Variants in B3GALT1 observed in about 807,000 individuals in gnomAD.
B3GALT1 encodes UDP-Gal:betaGlcNAc beta 1,3-galactosyltransferase, polypeptide 1.
A neutral mutation model predicts 23.2 loss-of-function variants in B3GALT1; 10 were observed. The observed-to-expected ratio is 0.43, with a 90% CI of 0.27 to 0.73. The LOEUF (loss-of-function observed/expected upper bound fraction) is 0.73, where lower values mean the gene tolerates loss of function less well. Ranked by LOEUF, B3GALT1 falls within the 30% of genes least tolerant of loss-of-function variation. The probability of loss-of-function intolerance (pLI) is 0.21; values close to 1 mark genes in which losing one functional copy is unlikely to be tolerated. For missense variants in B3GALT1, 299 were observed against 405.4 expected (o/e 0.74, Z 2.25); for synonymous variants, 156 against 141.5 (o/e 1.10, Z -0.73).
At chr2:167,522,134 C>G (rs35748316) in intron 2 of B3GALT1, among the ~76,000 whole-genome samples, 1 of 151,342 alleles carries the variant, frequency 6.6e-6, no homozygotes, top group Non-Finnish European at 1.5e-5. Context: ...GTAATGTGAC[C>G]TCTGCCATAA....
chr2:167,301,506 T>G (rs926905320), intron 1 of B3GALT1, among the ~76,000 whole-genome samples: 1 of 152,176 alleles, frequency 6.6e-6, no homozygotes, highest in Non-Finnish European at 1.5e-5. Context: ...CATTGGGCAC[T>G]TTGATTACCA....
At chr2:167,802,373 A>G (rs1688655460) in intron 3 of B3GALT1, among the ~76,000 whole-genome samples, 1 of 152,218 alleles carries the variant, frequency 6.6e-6, no homozygotes. Context: ...TGGCCCCCAA[A>G]TAGGCTATTG....
chr2:167,432,510 C>T (rs970843122), intron 1 of B3GALT1, among the ~76,000 whole-genome samples: 1 of 152,148 alleles, frequency 6.6e-6, no homozygotes, highest in Non-Finnish European at 1.5e-5. Context: ...TCCACTCACT[C>T]GTCTTACTTA....
chr2:167,555,099 G>A (rs913569962), intron 2 of B3GALT1, among the ~76,000 whole-genome samples: 1 of 152,122 alleles, frequency 6.6e-6, no homozygotes, highest in South Asian at 2.1e-4. Flanking sequence ...TATGCCATGG[G>A]AATGCATAGG....
At chr2:167,832,321 G>A (rs1689368909) in intron 4 of B3GALT1, among the ~76,000 whole-genome samples, 4 of 152,200 alleles carry the variant, frequency 2.6e-5, no homozygotes, top group South Asian at 2.1e-4. Context: ...TGACACCAAC[G>A]TACTATACAT....
chr2:167,488,914 G>T (rs1023351216), intron 1 of B3GALT1, among the ~76,000 whole-genome samples: 2 of 151,526 alleles, frequency 1.3e-5, no homozygotes, highest in African/African-American at 4.9e-5. Flanking sequence ...TTGAATTCTT[G>T]GGAATCAAGA....
intron 4 of B3GALT1, among the ~76,000 whole-genome samples, chr2:167,828,611 A>T (rs928850240): frequency 2.0e-5 from 3 of 152,212 alleles, no homozygotes; most frequent in African/African-American, 7.2e-5. Flanking sequence ...CATAAAATTG[A>T]TATCTTCACA....
At chr2:167,340,689 A>G (rs553029950) in intron 1 of B3GALT1, among the ~76,000 whole-genome samples, 1 of 152,254 alleles carries the variant, frequency 6.6e-6, no homozygotes, top group East Asian at 1.9e-4. Context: ...CCACCACGCC[A>G]TTTTATCTGG....
intron 2 of B3GALT1, among the ~76,000 whole-genome samples, chr2:167,560,697 A>C (rs1574137638): frequency 6.6e-6 from 1 of 151,886 alleles, no homozygotes; most frequent in South Asian, 2.1e-4. Context: ...CAAAGATCAA[A>C]AGAGACAAAG....
chr2:167,453,114 T>C (rs1015619272), intron 1 of B3GALT1, among the ~76,000 whole-genome samples: 1 of 152,190 alleles, frequency 6.6e-6, no homozygotes. Flanking sequence ...AAGAGGAAGT[T>C]GGTGGCTTGC....
chr2:167,425,209 T>G (rs1029158264), intron 1 of B3GALT1, among the ~76,000 whole-genome samples: 4 of 152,234 alleles, frequency 2.6e-5, no homozygotes, highest in African/African-American at 9.6e-5. Context: ...GTTTGTGTCC[T>G]GTGTAGAGTG....
chr2:167,452,690 G>A (rs2105320918), intron 1 of B3GALT1, among the ~76,000 whole-genome samples: 1 of 152,204 alleles, frequency 6.6e-6, no homozygotes, highest in South Asian at 2.1e-4. Context: ...CATCCGAGTG[G>A]GAGCTGCCAT....
Position 167,869,249 on chromosome 2 carries a change from C to T in B3GALT1, c.210C>T (p.Pro70=). The part of the protein sequence containing the change: ...PHSFEFLINE[P]NKCEKNIPFL... ...CTTTTGAATTTCTTATCAACGAGCC[C>T]AATAAATGTGAGAAAAACATTCCTT... Residue 70 remains proline (P), a synonymous_variant, in exon 5 of 5, where the codon CCC becomes CCT. Transcript: ENST00000392690. The surrounding 1 kb of genome is among the most constrained non-coding windows in gnomAD (Gnocchi z 6.4). 6.2e-7 allele frequency: 1 copy of T among 1,614,126 alleles called. No individual in the cohort carries two copies. Among genetic ancestry groups the T allele is most frequent in the South Asian group, 1.1e-5 (1 of 91,080 alleles).
intron 1 of B3GALT1, among the ~76,000 whole-genome samples, chr2:167,353,852 A>G (rs1426364608): frequency 1.3e-5 from 2 of 152,094 alleles, no homozygotes; most frequent in Non-Finnish European, 2.9e-5. Flanking sequence ...AAAGGAATTT[A>G]ATGTTGCTGT....
chr2:167,556,642 G>A (rs923324619), intron 2 of B3GALT1, among the ~76,000 whole-genome samples: 5 of 152,160 alleles, frequency 3.3e-5, no homozygotes, highest in African/African-American at 1.2e-4. Context: ...AGACAATGAA[G>A]TAATATTTAC....
chr2:167,620,258 A>C (rs911932219), intron 2 of B3GALT1, among the ~76,000 whole-genome samples: 3 of 152,070 alleles, frequency 2.0e-5, no homozygotes, highest in African/African-American at 7.2e-5. Context: ...GAATTGCTAA[A>C]TAGCTCATAT....
At chr2:167,358,955 C>G (rs1697458994) in intron 1 of B3GALT1, among the ~76,000 whole-genome samples, 2 of 152,126 alleles carry the variant, frequency 1.3e-5, no homozygotes, top group South Asian at 4.1e-4. Context: ...GCATGCACCA[C>G]CACGCCTGGC....
At chr2:167,559,049 G>A (rs1683911762) in intron 2 of B3GALT1, among the ~76,000 whole-genome samples, 1 of 152,236 alleles carries the variant, frequency 6.6e-6, no homozygotes, top group Non-Finnish European at 1.5e-5. Flanking sequence ...GCCTAACTGG[G>A]AGGCACCCCC....
chr2:167,455,268 G>A (rs1699150492), intron 1 of B3GALT1, among the ~76,000 whole-genome samples: 1 of 152,102 alleles, frequency 6.6e-6, no homozygotes, highest in Non-Finnish European at 1.5e-5. Context: ...AACGAGATTA[G>A]CTTTTAGTGT....
Sources: allele counts gnomAD v4.1 joint callset (sites outside exome capture counted in the v4.1 genomes callset), GRCh38; gene constraint gnomAD v4.1.1; non-coding constraint Gnocchi (gnomAD v3.1); transcripts MANE v1.5; gene names NCBI Gene and HGNC (gene_info 2026-07-23, HGNC 2026-07-21).